Variants in TAFA2 observed in about 807,000 individuals in gnomAD.
TAFA2 encodes the protein TAFA chemokine like family member 2.
Under a neutral mutation model 18.8 loss-of-function variants are expected in TAFA2, and 7 were observed. The observed-to-expected ratio is 0.37, with a 90% CI of 0.21 to 0.70. TAFA2 has a LOEUF of 0.70. Ranked by LOEUF, TAFA2 falls within the 30% of genes least tolerant of loss-of-function variation. The pLI is 0.53. For missense variants in TAFA2, 122 were observed against 158.1 expected (o/e 0.77, Z 1.23); for synonymous variants, 60 against 54.2 (o/e 1.11, Z -0.47).
intron 2 of TAFA2, among the ~76,000 whole-genome samples, chr12:61,832,218 T>C (rs1213572143): frequency 6.6e-6 from 1 of 152,022 alleles, no homozygotes; most frequent in Non-Finnish European, 1.5e-5. Flanking sequence ...CTGTATGGAT[T>C]TCCTAGACTA....
intron 1 of TAFA2, among the ~76,000 whole-genome samples, chr12:62,155,210 T>A (rs925016214): frequency 2.7e-4 from 41 of 151,968 alleles, no homozygotes; most frequent in African/African-American, 9.9e-4. Context: ...TGCAAAAATA[T>A]ATACATAATG....
At chr12:62,078,790 G>A (rs9738190) in intron 1 of TAFA2, among the ~76,000 whole-genome samples, 34,906 of 151,956 alleles carry the variant, frequency 0.23, 4,467 homozygotes, top group East Asian at 0.47. Flanking sequence ...TCTTTTTGGC[G>A]TGATGTTAAT....
At chr12:62,207,061 A>G (rs2062694533) in intron 1 of TAFA2, 1 of 152,182 alleles carries the variant, frequency 6.6e-6, no homozygotes, top group African/African-American at 2.4e-5. Context: ...CTTTAGGAAA[A>G]CATACTTAAT....
At chr12:62,084,339 A>G (rs1868373200) in intron 1 of TAFA2, among the ~76,000 whole-genome samples, 4 of 152,212 alleles carry the variant, frequency 2.6e-5, no homozygotes, top group Admixed American at 2.6e-4. Context: ...GCATTTCTCC[A>G]TTTACTCTTC....
At chr12:62,101,045 T>C (rs1267270401) in intron 1 of TAFA2, among the ~76,000 whole-genome samples, 2 of 152,108 alleles carry the variant, frequency 1.3e-5, no homozygotes, top group African/African-American at 2.4e-5. Context: ...ACTTCAGATA[T>C]ATCTATACAC....
intron 1 of TAFA2, among the ~76,000 whole-genome samples, chr12:62,122,679 C>G (rs1565751887): frequency 6.6e-6 from 1 of 152,168 alleles, no homozygotes. Flanking sequence ...GTATAGATTC[C>G]TCTCAATGAG....
intron 1 of TAFA2, among the ~76,000 whole-genome samples, chr12:61,907,038 G>A (rs1041966929): frequency 6.6e-6 from 1 of 152,218 alleles, no homozygotes; most frequent in Non-Finnish European, 1.5e-5. Context: ...AGGTTTAAAA[G>A]GGACGCAGAG....
intron 1 of TAFA2, among the ~76,000 whole-genome samples, chr12:61,955,651 A>ATATATATATGTG (rs1555178817): frequency 2.2e-5 from 2 of 88,906 alleles, no homozygotes; most frequent in African/African-American, 7.1e-5. Context: ...ATATATATAT[A>ATATATATATGTG]TATATATATA....
intron 1 of TAFA2, among the ~76,000 whole-genome samples, chr12:62,250,519 TGA>T (rs1213541956): frequency 1.3e-5 from 2 of 152,186 alleles, no homozygotes; most frequent in African/African-American, 4.8e-5. Flanking sequence ...TGTATGTGTG[TGA>T]GTTTTGTTCT....
At chr12:62,152,466 C>A (rs1289834626) in intron 1 of TAFA2, among the ~76,000 whole-genome samples, 1 of 152,152 alleles carries the variant, frequency 6.6e-6, no homozygotes, top group African/African-American at 2.4e-5. Flanking sequence ...TTGCCTGTGG[C>A]ATAAAGGGGT....
intron 2 of TAFA2, among the ~76,000 whole-genome samples, chr12:61,793,343 A>T (rs77030507): frequency 0.046 from 6,918 of 151,572 alleles, 499 homozygotes; most frequent in African/African-American, 0.16. Flanking sequence ...ATTCAATAAA[A>T]TTCATAAACT....
intron 2 of TAFA2, among the ~76,000 whole-genome samples, chr12:61,807,005 T>C (rs1246090303): frequency 6.6e-6 from 1 of 152,072 alleles, no homozygotes; most frequent in African/African-American, 2.4e-5. Context: ...TCCCATTCTC[T>C]GAGGAGAAAT....
chr12:61,739,579 T>C (rs2120692826), intron 4 of TAFA2, among the ~76,000 whole-genome samples: 1 of 152,174 alleles, frequency 6.6e-6, no homozygotes. Flanking sequence ...GACCATTACG[T>C]AGGTACAACG....
intron 1 of TAFA2, among the ~76,000 whole-genome samples, chr12:61,942,036 A>C (rs851917): frequency 0.31 from 45,601 of 148,614 alleles, 8,620 homozygotes; most frequent in African/African-American, 0.54. Context: ...GTAACCTCTG[A>C]AGACTTAAAT....
At chr12:62,117,875 CT>C (rs1870027596) in intron 1 of TAFA2, among the ~76,000 whole-genome samples, 2 of 152,104 alleles carry the variant, frequency 1.3e-5, no homozygotes, top group African/African-American at 2.4e-5. Context: ...ACTAGTTCAT[CT>C]TTTTTTCCTC....
At chr12:62,130,588 T>G (rs1167155635) in intron 1 of TAFA2, among the ~76,000 whole-genome samples, 1 of 151,984 alleles carries the variant, frequency 6.6e-6, no homozygotes, top group East Asian at 1.9e-4. Flanking sequence ...CATGTGTTCC[T>G]CTTTTCGTTT....
At chr12:61,916,031 C>T (rs960511027) in intron 1 of TAFA2, among the ~76,000 whole-genome samples, 1 of 152,158 alleles carries the variant, frequency 6.6e-6, no homozygotes, top group Admixed American at 6.5e-5. Flanking sequence ...TACTAGAGGA[C>T]ATGGGTTACT....
intron 2 of TAFA2, among the ~76,000 whole-genome samples, chr12:61,861,148 C>T (rs1160867506): frequency 1.3e-5 from 2 of 151,968 alleles, no homozygotes; most frequent in South Asian, 2.1e-4. Context: ...GATGAGATTT[C>T]GCCATGTTGC....
chr12:62,075,626 T>C (rs1458639263), intron 1 of TAFA2, among the ~76,000 whole-genome samples: 3 of 152,228 alleles, frequency 2.0e-5, no homozygotes, highest in Non-Finnish European at 4.4e-5. Flanking sequence ...TGTCCATTCA[T>C]TTCAGCAGCT....
Sources: allele counts gnomAD v4.1 joint callset (sites outside exome capture counted in the v4.1 genomes callset), GRCh38; gene constraint gnomAD v4.1.1; transcripts MANE v1.5; gene names NCBI Gene and HGNC (gene_info 2026-07-23, HGNC 2026-07-21).